Variants in NECTIN3 observed in about 807,000 individuals in gnomAD.
The protein encoded by NECTIN3 is nectin-3.
Under a neutral mutation model 49.4 loss-of-function variants are expected in NECTIN3, and 8 were observed. That is an observed-to-expected ratio of 0.16 (90% CI 0.10 to 0.29). NECTIN3 has a LOEUF of 0.29. Ranked by LOEUF, NECTIN3 falls within the 10% of genes least tolerant of loss-of-function variation. The pLI is 1.00. For synonymous variants in NECTIN3, 277 were observed against 241.1 expected, an observed-to-expected ratio of 1.15 and a Z score of -1.38; for missense variants, 581 against 654.6, an observed-to-expected ratio of 0.89 and a Z score of 1.23.
chr3:111,127,585 G>A (rs1225144009), intron 5 of NECTIN3, among the ~76,000 whole-genome samples: 2 of 149,428 alleles, frequency 1.3e-5, no homozygotes, highest in African/African-American at 2.5e-5. Context: ...CTTTTGAGAC[G>A]TGGTCTCGCT....
At chr3:111,164,369 T>C (rs942247698) in intron 7 of NECTIN3, among the ~76,000 whole-genome samples, 14 of 152,226 alleles carry the variant, frequency 9.2e-5, no homozygotes, top group African/African-American at 3.1e-4. Flanking sequence ...CTGTAGACTA[T>C]CATGTCCTGC....
intron 1 of NECTIN3, chr3:111,074,867 T>G (rs2031064313): frequency 6.6e-6 from 1 of 152,066 alleles, no homozygotes; most frequent in African/African-American, 2.4e-5. Context: ...TCACTTTTAC[T>G]TCCCACCGTT....
intron 7 of NECTIN3, among the ~76,000 whole-genome samples, chr3:111,154,527 T>G (rs2035061280): frequency 6.6e-6 from 1 of 152,190 alleles, no homozygotes; most frequent in Non-Finnish European, 1.5e-5. Context: ...AGGAGTAGAA[T>G]GAATGGATCA....
intron 5 of NECTIN3, among the ~76,000 whole-genome samples, chr3:111,129,953 A>ATTT (rs2034321356): frequency 2.1e-5 from 3 of 145,200 alleles, no homozygotes; most frequent in African/African-American, 7.8e-5. Flanking sequence ...CCCAGCAGAG[A>ATTT]ATTTTTTTTT....
chr3:111,088,347 C>G (rs111781613), intron 1 of NECTIN3, among the ~76,000 whole-genome samples: 6 of 152,250 alleles, frequency 3.9e-5, no homozygotes, highest in African/African-American at 1.4e-4. Flanking sequence ...GATACCCAGA[C>G]CTAAACTTTT....
intron 7 of NECTIN3, among the ~76,000 whole-genome samples, chr3:111,157,905 A>G (rs1221092506): frequency 6.6e-6 from 1 of 152,114 alleles, no homozygotes. Flanking sequence ...TTAACTATAC[A>G]GTTGATTAAT....
At chr3:111,078,410 A>G (rs550431998) in intron 1 of NECTIN3, among the ~76,000 whole-genome samples, 1 of 152,268 alleles carries the variant, frequency 6.6e-6, no homozygotes, top group South Asian at 2.1e-4. Flanking sequence ...TCTGTGAAAC[A>G]CTAGTCTCAG....
intron 7 of NECTIN3, among the ~76,000 whole-genome samples, chr3:111,148,105 A>G (rs1382079): frequency 0.012 from 1,792 of 152,288 alleles, 38 homozygotes; most frequent in African/African-American, 0.041. Context: ...TCTATCACCC[A>G]TACAACATGT....
intron 5 of NECTIN3, among the ~76,000 whole-genome samples, chr3:111,129,733 C>G (rs997352684): frequency 6.6e-6 from 1 of 151,840 alleles, no homozygotes; most frequent in Non-Finnish European, 1.5e-5. Context: ...ACTGCAACCT[C>G]TGCCTCCCGG....
intron 1 of NECTIN3, among the ~76,000 whole-genome samples, chr3:111,106,038 T>C (rs1199661837): frequency 6.6e-6 from 1 of 151,684 alleles, no homozygotes; most frequent in Non-Finnish European, 1.5e-5. Context: ...TTGACCCCTC[T>C]GTAGGTACTT....
Position 111,082,859 on chromosome 3 carries a change from G to A in NECTIN3, c.160+10682G>A, listed in dbSNP as rs139331657. Among the ~76,000 whole-genome samples, 4 of 152,360 alleles carry A rather than the reference G, an allele frequency of 2.6e-5. No individual in the cohort carries two copies. In the East Asian group the frequency reaches 7.7e-4, roughly 29 times the overall value. Reference sequence around the variant, plus strand: ...TTCCTGCAACTAGACAGTCCCGTCTGGGGGTGATGGGAGATAGTGACAGAT... The same window carrying A: ...TTCCTGCAACTAGACAGTCCCGTCTAGGGGTGATGGGAGATAGTGACAGAT... On this transcript the variant is annotated intron_variant, in intron 1 of 5. Transcript: ENST00000485303.
chr3:111,118,589 T>G, intron 2 of NECTIN3, 67 bp from the exon 3 acceptor site: 1 of 1,358,372 alleles, frequency 7.4e-7, no homozygotes, highest in South Asian at 1.6e-5. Context: ...TGTTTAGATG[T>G]GACTTGGAAA....
At chr3:111,077,326 T>C (rs1278930573) in intron 1 of NECTIN3, 4 of 180,318 alleles carry the variant, frequency 2.2e-5, no homozygotes, top group African/African-American at 1.0e-4. Context: ...TAAAAAACTT[T>C]GGTTTCAACT....
chr3:111,126,190 T>C lies in NECTIN3; in HGVS notation c.924T>C (p.Asp308=), dbSNP rs780942039. 7.7e-6 allele frequency: 12 copies of C among 1,561,076 alleles called. No individual in the cohort carries two copies. In the African/African-American group the frequency reaches 1.4e-4, roughly 18 times the overall value. ...PPFKSVWSRL[D]GQWPDGLLAS... ...TATGCATTTTAAAATCTAGGTTGGA[T>C]GGACAATGGCCTGATGGTTTATTGG... The change falls in exon 5 of 6, where the codon GAT becomes GAC. Residue 308 remains aspartate, a synonymous_variant. Transcript: ENST00000485303.
chr3:111,104,313 CTTTTTTTTTTTT>C (rs935543116), intron 1 of NECTIN3, among the ~76,000 whole-genome samples: 4 of 89,282 alleles, frequency 4.5e-5, no homozygotes, highest in Non-Finnish European at 8.6e-5. Flanking sequence ...CTGTTCAGAT[CTTTTTTTTTTTT>C]TTTTTTTTTT....
chr3:111,192,398 C>T, exon 1 of NECTIN3: 1 of 1,535,628 alleles, frequency 6.5e-7, no homozygotes, highest in Non-Finnish European at 8.7e-7. Context: ...GAGAAGTTGG[C>T]AATCTTCAGC....
intron 1 of NECTIN3, among the ~76,000 whole-genome samples, chr3:111,082,282 G>C (rs920301443): frequency 6.6e-6 from 1 of 152,048 alleles, no homozygotes; most frequent in Admixed American, 6.6e-5. Flanking sequence ...AGAAGGGTGA[G>C]GTACGAGGGG....
Position 111,145,007 on chromosome 3 carries a change from G to GA in NECTIN3, c.1117dup (p.Arg373LysfsTer6), listed in dbSNP as rs761400350. The GA allele has an allele frequency of 1.3e-5, 20 of 1,534,562 alleles. No individual in the cohort carries two copies. The highest frequency in any genetic ancestry group is 1.2e-4 in the South Asian group (10 of 83,934). On this transcript the variant is annotated frameshift_variant, in exon 6 of 9. Transcript: ENST00000493615. LOFTEE classifies it high-confidence loss of function. ...TTTGTGACTGTGCTGCTGACTCCTC[G>GA]AAAAAAAAGACCATCCTATCTTGAC... is the stretch of plus-strand genomic sequence containing the variant.
chr3:111,096,979 G>A (rs532326009), intron 1 of NECTIN3, among the ~76,000 whole-genome samples: 14 of 152,122 alleles, frequency 9.2e-5, no homozygotes, highest in Admixed American at 1.3e-4. Flanking sequence ...GTGAGAAGAG[G>A]GCCACTGTCC....
Sources: allele counts gnomAD v4.1 joint callset (sites outside exome capture counted in the v4.1 genomes callset), GRCh38; gene constraint gnomAD v4.1.1; transcripts MANE v1.5; gene names NCBI Gene and HGNC (gene_info 2026-07-23, HGNC 2026-07-21).